SPTLC1: variants seen among roughly 807,000 people sequenced by gnomAD.
SPTLC1 encodes the protein serine palmitoyltransferase 1.
SPTLC1 carries 55 observed loss-of-function variants against 68.9 expected under a neutral mutation model. The observed-to-expected ratio is 0.80, with a 90% CI of 0.64 to 1.00. The LOEUF is 1.00. Among genes scored for constraint, SPTLC1 ranks in the 50% least tolerant of loss-of-function variants. The pLI is 0.00. For missense variants in SPTLC1, 449 were observed against 573.1 expected (o/e 0.78, Z 2.21); for synonymous variants, 197 against 201.6 (o/e 0.98, Z 0.19).
intron 3 of SPTLC1, among the ~76,000 whole-genome samples, chr9:92,103,596 C>A (rs563166133): frequency 6.6e-5 from 10 of 152,318 alleles, no homozygotes; most frequent in Non-Finnish European, 1.5e-4. Flanking sequence ...GCCAGGGAGG[C>A]ATGTGGTAAG....
At chr9:92,063,749 G>GAAA (rs989574998) in intron 6 of SPTLC1, among the ~76,000 whole-genome samples, 2 of 151,884 alleles carry the variant, frequency 1.3e-5, no homozygotes, top group African/African-American at 4.8e-5. Context: ...GACTAAAAAA[G>GAAA]AAAAATCACA....
At chr9:92,080,210 G>C in intron 4 of SPTLC1, 122 bp from the exon 5 acceptor site, 1 of 765,846 alleles carries the variant, frequency 1.3e-6, no homozygotes, top group African/African-American at 1.7e-5. Context: ...AGAATATAAA[G>C]AAGAGACAGG....
intron 3 of SPTLC1, among the ~76,000 whole-genome samples, chr9:92,098,342 C>T (rs560393471): frequency 6.1e-4 from 93 of 151,872 alleles, no homozygotes; most frequent in African/African-American, 2.2e-3. Context: ...CATAAAAGCG[C>T]TCTGCACCTT....
intron 3 of SPTLC1, among the ~76,000 whole-genome samples, chr9:92,098,057 G>A (rs1460670006): frequency 6.6e-6 from 1 of 152,154 alleles, no homozygotes; most frequent in Non-Finnish European, 1.5e-5. Context: ...CTCCAAGATG[G>A]CGATCGGTAA....
chr9:92,079,982 C>T, intron 5 of SPTLC1, 34 bp downstream of exon 5: 1 of 1,555,940 alleles, frequency 6.4e-7, no homozygotes, highest in Non-Finnish European at 8.9e-7. Flanking sequence ...CTATTGAAAG[C>T]AGTAGTCTCA....
intron 3 of SPTLC1, among the ~76,000 whole-genome samples, chr9:92,098,218 C>A (rs1835610369): frequency 6.6e-6 from 1 of 152,186 alleles, no homozygotes; most frequent in Non-Finnish European, 1.5e-5. Flanking sequence ...CCGGGTTCAC[C>A]TTTCCTGTTC....
At chr9:92,035,493 TAAAG>T (rs1219822236) in intron 13 of SPTLC1, among the ~76,000 whole-genome samples, 1 of 152,082 alleles carries the variant, frequency 6.6e-6, no homozygotes, top group East Asian at 1.9e-4. Flanking sequence ...TCTACTAAAA[TAAAG>T]AAAGCACAAA....
intron 3 of SPTLC1, among the ~76,000 whole-genome samples, chr9:92,081,911 A>G (rs1834898072): frequency 6.6e-6 from 1 of 152,366 alleles, no homozygotes; most frequent in Non-Finnish European, 1.5e-5. Context: ...GAAAACACAG[A>G]TGCTGGGAAA....
At chr9:92,114,778 T>G (rs1836382847) in intron 1 of SPTLC1, 3 of 153,178 alleles carry the variant, frequency 2.0e-5, no homozygotes, top group African/African-American at 7.3e-5. Context: ...TCGACTAAAC[T>G]AGTTGTATCT....
At chr9:92,066,387 T>C (rs1834284747) in intron 6 of SPTLC1, among the ~76,000 whole-genome samples, 1 of 152,156 alleles carries the variant, frequency 6.6e-6, no homozygotes, top group Non-Finnish European at 1.5e-5. Flanking sequence ...TGACCTGCTC[T>C]GAGGTGTGGG....
At chr9:92,060,800 T>C (rs1834068379) in intron 6 of SPTLC1, among the ~76,000 whole-genome samples, 1 of 149,180 alleles carries the variant, frequency 6.7e-6, no homozygotes, top group Non-Finnish European at 1.5e-5. Context: ...GTAGTCCGGG[T>C]TACTCGGGAG....
rs1354356903 is a variant in SPTLC1 at position 92,047,614 on chromosome 9, T to C, written c.983A>G (p.Gln328Arg). 1 of 1,607,860 alleles carries C rather than the reference T, an allele frequency of 6.2e-7. No homozygotes were observed. Among genetic ancestry groups the C allele is most frequent in the Non-Finnish European group, 8.5e-7 (1 of 1,174,500 alleles). ...CCGRSFVIDH[Q>R]RLSGQGYCFS... ...CTCCTGTTTTTAAAAAGAACCCACCTGATGGTCAATTACAAAAGACCTGCC... is the reference window on the plus strand; with the variant it reads ...CTCCTGTTTTTAAAAAGAACCCACCCGATGGTCAATTACAAAAGACCTGCC... The change falls in exon 10 of 15, where the codon CAG (glutamine) becomes CGG (arginine). Residue 328 changes from glutamine to arginine, a missense_variant and splice_region_variant. Gln to Arg is a conservative substitution (Grantham distance 43, BLOSUM62 1). Around this residue, in one of 3 missense-constraint regions of SPTLC1, gnomAD observed 391 missense variants for 472.1 expected, o/e 0.83. Transcript: ENST00000262554.
At chr9:92,034,031 C>T (rs1055460736) in intron 14 of SPTLC1, among the ~76,000 whole-genome samples, 16 of 152,352 alleles carry the variant, frequency 1.1e-4, no homozygotes, top group African/African-American at 3.8e-4. Context: ...TCTGTACTCC[C>T]AGATGAACCT....
At chr9:92,067,507 G>A (rs532828493) in intron 6 of SPTLC1, among the ~76,000 whole-genome samples, 4 of 152,324 alleles carry the variant, frequency 2.6e-5, no homozygotes, top group South Asian at 2.1e-4. Flanking sequence ...ACAGGCACGC[G>A]AGTGTGAAGA....
intron 1 of SPTLC1, among the ~76,000 whole-genome samples, chr9:92,113,585 G>A (rs1421328702): frequency 1.3e-5 from 2 of 152,182 alleles, no homozygotes; most frequent in Admixed American, 1.3e-4. Flanking sequence ...ACATTTAACA[G>A]AAAATAATCC....
At chr9:92,107,169 A>G (rs7856188) in intron 3 of SPTLC1, among the ~76,000 whole-genome samples, 16,608 of 152,198 alleles carry the variant, frequency 0.11, 1,967 homozygotes, top group African/African-American at 0.3. Flanking sequence ...GAACACGGAG[A>G]TAGAAAAACA....
At chr9:92,115,065 A>G (rs1247728258) in intron 1 of SPTLC1, 5 of 574,124 alleles carry the variant, frequency 8.7e-6, no homozygotes, top group African/African-American at 3.8e-5. Context: ...TCCTTTCCGG[A>G]GCTTCCAGGG....
chr9:92,038,216 T>A (rs768734783), intron 13 of SPTLC1, 32 bp downstream of exon 13: 1 of 1,428,768 alleles, frequency 7.0e-7, no homozygotes. Context: ...AGAAGTGGTG[T>A]GGGGGGATGC....
chr9:92,048,392 G>A (rs1231205025), intron 9 of SPTLC1, among the ~76,000 whole-genome samples: 1 of 152,220 alleles, frequency 6.6e-6, no homozygotes, highest in African/African-American at 2.4e-5. Flanking sequence ...TGGATTGTCA[G>A]AACACAGCTA....
Sources: allele counts gnomAD v4.1 joint callset (sites outside exome capture counted in the v4.1 genomes callset), GRCh38; gene constraint gnomAD v4.1.1; regional missense constraint gnomAD v4.1.1; transcripts MANE v1.5; gene names NCBI Gene and HGNC (gene_info 2026-07-23, HGNC 2026-07-21).